Variants in UBE2D3 observed in about 807,000 individuals in gnomAD.
UBE2D3 encodes ubiquitin conjugating enzyme E2 D3.
UBE2D3 carries 2 observed loss-of-function variants against 22.8 expected under a neutral mutation model. The ratio of observed to expected loss-of-function variants is 0.09; its 90% CI spans 0.04 to 0.28. The LOEUF (loss-of-function observed/expected upper bound fraction) is 0.28, where lower values mean the gene tolerates loss of function less well. UBE2D3 is among the 10% of genes least tolerant of loss of function. UBE2D3 has a pLI of 1.00. For synonymous variants in UBE2D3, 56 were observed against 60.4 expected (o/e 0.93, Z 0.34); for missense variants, 27 against 182.5 (o/e 0.15, Z 4.91).
intron 4 of UBE2D3, among the ~76,000 whole-genome samples, chr4:102,806,532 G>A (rs1727075241): frequency 6.6e-6 from 1 of 152,006 alleles, no homozygotes; most frequent in African/African-American, 2.4e-5. Context: ...TAATCCTTAT[G>A]GACCAAATAA....
At chr4:102,806,945 AAAG>A (rs1458994209) in intron 4 of UBE2D3, among the ~76,000 whole-genome samples, 3 of 152,316 alleles carry the variant, frequency 2.0e-5, no homozygotes, top group African/African-American at 7.2e-5. Context: ...TTACCTTCAG[AAAG>A]AATAAGCCAG....
rs1230482085 is a variant in UBE2D3, at chr4:102,801,524, A to G, written c.234T>C (p.Ile78=). 1.9e-6 allele frequency: 3 copies of G among 1,609,382 alleles called. No individual in the cohort carries two copies. In the Admixed American group the frequency reaches 5.0e-5, roughly 27 times the overall value. ...CGAGACAAATGCTGCCATTACTGTT[A>G]ATATTTGGATGATAAATTCTTGTTG... ...AFTTRIYHPN[I]NSNGSICLDI... is the part of the protein sequence containing the mutation. Residue 78 remains isoleucine (I), a synonymous_variant, in exon 6 of 8, where the codon ATT becomes ATC. Transcript: ENST00000453744.
chr4:102,853,517 T>C (rs1056811372), intron 1 of UBE2D3, among the ~76,000 whole-genome samples: 12 of 152,268 alleles, frequency 7.9e-5, no homozygotes, highest in African/African-American at 2.9e-4. Flanking sequence ...AGGAATCTCA[T>C]TATGGAGTTA....
chr4:102,832,633 G>GT (rs773677902), intron 1 of UBE2D3, among the ~76,000 whole-genome samples: 12 of 151,706 alleles, frequency 7.9e-5, no homozygotes, highest in Non-Finnish European at 5.9e-5. Flanking sequence ...AGTAAACTTA[G>GT]TTTATTTACT....
At chr4:102,840,369 A>G (rs1731682187) in intron 1 of UBE2D3, among the ~76,000 whole-genome samples, 1 of 152,262 alleles carries the variant, frequency 6.6e-6, no homozygotes, top group Admixed American at 6.5e-5. Flanking sequence ...CCTATGCACA[A>G]TGAATACTAT....
chr4:102,798,940 C>G (rs147920467), intron 7 of UBE2D3: 3 of 1,611,650 alleles, frequency 1.9e-6, no homozygotes, highest in African/African-American at 2.7e-5. Context: ...TACAACATAG[C>G]GTATTTCTCT....
At chr4:102,865,278 G>A (rs181156440) in intron 1 of UBE2D3, among the ~76,000 whole-genome samples, 1 of 152,066 alleles carries the variant, frequency 6.6e-6, no homozygotes, top group Non-Finnish European at 1.5e-5. Context: ...TGGATCATGA[G>A]GTCAGGAGTT....
intron 4 of UBE2D3, among the ~76,000 whole-genome samples, chr4:102,803,447 C>T (rs1726520745): frequency 6.6e-6 from 1 of 152,180 alleles, no homozygotes. Context: ...ATATATGAGC[C>T]TTTCACTATG....
In UBE2D3 at chr4:102,826,511, T is replaced by C. The variant is rs1730526429; in HGVS notation, c.-3A>G. 6.2e-7 allele frequency: 1 copy of C among 1,613,738 alleles called. No individual in the cohort carries two copies. The highest frequency in any genetic ancestry group is 8.5e-7 in the Non-Finnish European group (1 of 1,180,004). Reference sequence around the variant, plus strand: ...TTATTAATCCGTTTCAGCGCCATAGTGTGTGCTTGTCGTCTGGCTCCTCAC... The same window carrying C: ...TTATTAATCCGTTTCAGCGCCATAGCGTGTGCTTGTCGTCTGGCTCCTCAC... On this transcript the variant is annotated 5_prime_UTR_variant, in exon 2 of 8. Transcript: ENST00000453744.
intron 2 of UBE2D3, chr4:102,825,818 C>A (rs942001399): frequency 4.4e-6 from 2 of 454,750 alleles, no homozygotes; most frequent in Non-Finnish European, 4.4e-6. Flanking sequence ...CATCAGTTCC[C>A]GGTGTCCCTC....
intron 1 of UBE2D3, among the ~76,000 whole-genome samples, chr4:102,850,017 T>G (rs1032028651): frequency 6.6e-6 from 1 of 152,166 alleles, no homozygotes; most frequent in African/African-American, 2.4e-5. Flanking sequence ...GGTTAATAGC[T>G]TTAAAGTGGA....
At position 102,863,270 on chromosome 4, in the gene UBE2D3, C is replaced by T. The variant is rs570913457; in HGVS notation, c.-129+5445G>A. 4.6e-5 allele frequency among the ~76,000 whole-genome samples: 7 copies of T among 151,368 alleles called. No individual in the cohort carries two copies. The South Asian group carries it at 1.5e-3, about 32-fold the overall frequency. ...TTCACTATGTTGGCCAGTCTGGTCTCGAACTCCTGACGTCAGGTGAGCCAC... is the reference window on the plus strand; with the variant it reads ...TTCACTATGTTGGCCAGTCTGGTCTTGAACTCCTGACGTCAGGTGAGCCAC... On this transcript the variant is annotated intron_variant, in intron 1 of 7. Coordinates refer to the UBE2D3 transcript ENST00000338145.
intron 4 of UBE2D3, among the ~76,000 whole-genome samples, chr4:102,808,509 C>T (rs1356710779): frequency 6.6e-6 from 1 of 152,134 alleles, no homozygotes; most frequent in Non-Finnish European, 1.5e-5. Flanking sequence ...TGCACCCCTG[C>T]CATGTCTTAC....
intron 1 of UBE2D3, among the ~76,000 whole-genome samples, chr4:102,835,031 G>A (rs1367610716): frequency 6.6e-6 from 1 of 151,922 alleles, no homozygotes; most frequent in Non-Finnish European, 1.5e-5. Flanking sequence ...TGGCTCTGTG[G>A]GTATCCTTAG....
At chr4:102,834,439 A>T (rs1338710714) in intron 1 of UBE2D3, among the ~76,000 whole-genome samples, 1 of 152,052 alleles carries the variant, frequency 6.6e-6, no homozygotes, top group African/African-American at 2.4e-5. Flanking sequence ...AACAAATTAG[A>T]CCCAATAGAA....
At chr4:102,844,017 A>G (rs990887075) in intron 1 of UBE2D3, 4 of 152,124 alleles carry the variant, frequency 2.6e-5, no homozygotes, top group African/African-American at 9.7e-5. Flanking sequence ...ATGGGTATTA[A>G]TTTCTTCCGA....
intron 1 of UBE2D3, among the ~76,000 whole-genome samples, chr4:102,851,950 G>A (rs1297766695): frequency 1.3e-5 from 2 of 152,030 alleles, no homozygotes; most frequent in Non-Finnish European, 2.9e-5. Context: ...GATTACAGGC[G>A]TGAGCCACCG....
In UBE2D3 at chr4:102,863,783, C is replaced by T. The variant is rs554248597; in HGVS notation, c.-129+4932G>A. Among the ~76,000 whole-genome samples the T allele has an allele frequency of 5.3e-5, 8 of 152,280 alleles. No homozygotes were observed. The South Asian group carries it at 1.4e-3, about 28-fold the overall frequency. Reference sequence around the variant, plus strand: ...TGCTGGGATTACAGACGTGGGTCACCGTGCCCAGCTGGGATCAAATTTCAA... The same window carrying T: ...TGCTGGGATTACAGACGTGGGTCACTGTGCCCAGCTGGGATCAAATTTCAA... On this transcript the variant is annotated intron_variant, in intron 1 of 7. Transcript: ENST00000338145.
rs540255423 is a variant in UBE2D3, at chr4:102,860,404, G to GGTGT, written c.-129+8307_-129+8310dup. Among the ~76,000 whole-genome samples, 128 of 122,840 alleles carry GGTGT rather than the reference G, an allele frequency of 1.0e-3. No individual in the cohort carries two copies. In the Middle Eastern group the frequency reaches 0.012, roughly 12 times the overall value. The allele number at this position is 122,840 out of a possible 152,430, so 80.6% of individuals were successfully genotyped here. A position where few individuals can be genotyped will look rare whatever the true frequency, so the allele number is the denominator to read the frequency against. On this transcript the variant is annotated intron_variant, in intron 1 of 7. Coordinates refer to the UBE2D3 transcript ENST00000338145. ...ATTCCTTTGGTTGTCATGTTTTCCT[G>GGTGT]GTGTGTGTGTGTGTGTGTATGTGTG...
Sources: allele counts gnomAD v4.1 joint callset (sites outside exome capture counted in the v4.1 genomes callset), GRCh38; gene constraint gnomAD v4.1.1; transcripts MANE v1.5; gene names NCBI Gene and HGNC (gene_info 2026-07-23, HGNC 2026-07-21).